PRKAR2A: variants seen among roughly 807,000 people sequenced by gnomAD.
PRKAR2A encodes cAMP-dependent protein kinase type II-alpha regulatory subunit.
Under a neutral mutation model 51.9 loss-of-function variants are expected in PRKAR2A, and 29 were observed. The observed-to-expected ratio is 0.56, with a 90% CI of 0.42 to 0.76. The LOEUF is 0.76. Among genes scored for constraint, PRKAR2A ranks in the 30% least tolerant of loss-of-function variants. The pLI is 0.00. For synonymous variants in PRKAR2A, 178 were observed against 186.2 expected (o/e 0.96, Z 0.36); for missense variants, 445 against 512.1 (o/e 0.87, Z 1.26).
intron 5 of PRKAR2A, among the ~76,000 whole-genome samples, chr3:48,775,684 T>C (rs967609352): frequency 6.6e-6 from 1 of 152,068 alleles, no homozygotes; most frequent in Non-Finnish European, 1.5e-5. Context: ...TCAAAGATAC[T>C]GCAAAAGATT....
chr3:48,789,319 T>C (rs1342029456), intron 4 of PRKAR2A, among the ~76,000 whole-genome samples: 2 of 152,084 alleles, frequency 1.3e-5, no homozygotes, highest in African/African-American at 2.4e-5. Flanking sequence ...CTGATGTCAA[T>C]TGGAACACAT....
intron 1 of PRKAR2A, among the ~76,000 whole-genome samples, chr3:48,816,725 T>C (rs537142407): frequency 1.8e-3 from 267 of 152,288 alleles, no homozygotes; most frequent in Middle Eastern, 0.01. Flanking sequence ...CAGTACAGTA[T>C]GGAATCAAAG....
chr3:48,766,459 G>T (rs1265895884), intron 6 of PRKAR2A, among the ~76,000 whole-genome samples: 1 of 151,922 alleles, frequency 6.6e-6, no homozygotes, highest in Non-Finnish European at 1.5e-5. Flanking sequence ...CCAGCTAGTT[G>T]GGAGGCTGAG....
intron 1 of PRKAR2A, among the ~76,000 whole-genome samples, chr3:48,846,579 T>C (rs1042888079): frequency 6.6e-6 from 1 of 152,178 alleles, no homozygotes; most frequent in Non-Finnish European, 1.5e-5. Context: ...CTCGAACTCT[T>C]GGATTCAAGC....
At chr3:48,784,627 T>A (rs927496158) in intron 4 of PRKAR2A, among the ~76,000 whole-genome samples, 2 of 152,174 alleles carry the variant, frequency 1.3e-5, no homozygotes, top group African/African-American at 2.4e-5. Flanking sequence ...TTCAAACACA[T>A]GTGTCATGAG....
chr3:48,806,421 T>A (rs996472006), intron 2 of PRKAR2A, among the ~76,000 whole-genome samples: 1 of 151,928 alleles, frequency 6.6e-6, no homozygotes, highest in Admixed American at 6.6e-5. Context: ...AAAACTTTCA[T>A]AAAATATATT....
chr3:48,745,429 T>C (rs1039447090), downstream of PRKAR2A, among the ~76,000 whole-genome samples: 47 of 152,134 alleles, frequency 3.1e-4, no homozygotes, highest in African/African-American at 1.1e-3. Context: ...CATGTTGTGA[T>C]TGCTAATTTT....
At chr3:48,760,100 T>A (rs1306999588) in intron 8 of PRKAR2A, among the ~76,000 whole-genome samples, 1 of 152,204 alleles carries the variant, frequency 6.6e-6, no homozygotes, top group East Asian at 1.9e-4. Flanking sequence ...GCTCACGCCA[T>A]CCCAGTACTT....
At chr3:48,818,770 C>T (rs1468604577) in intron 1 of PRKAR2A, among the ~76,000 whole-genome samples, 1 of 152,078 alleles carries the variant, frequency 6.6e-6, no homozygotes, top group African/African-American at 2.4e-5. Context: ...ACTTAAACTT[C>T]TCTGAGCCTC....
chr3:48,787,176 ATTTAT>A (rs1290020978), intron 4 of PRKAR2A, among the ~76,000 whole-genome samples: 1 of 151,414 alleles, frequency 6.6e-6, no homozygotes, highest in Non-Finnish European at 1.5e-5. Flanking sequence ...TTATTTATTT[ATTTAT>A]TTATTTATGT....
rs1021914228 is a variant in PRKAR2A at position 48,847,815 on chromosome 3, C to A, written c.-219G>T. On this transcript the variant is annotated 5_prime_UTR_variant, in exon 1 of 11. Transcript: ENST00000265563. This position sits in a 1 kb window ranked among gnomAD's most constrained non-coding sequence, Gnocchi z 4.4. Reference sequence around the variant, plus strand: ...GCCGCCGCTGTCACTGGGCAGCCGCCGCCGCCGCGGGGACCGACGGGCAGG... The same window carrying A: ...GCCGCCGCTGTCACTGGGCAGCCGCAGCCGCCGCGGGGACCGACGGGCAGG... The A allele has an allele frequency of 3.1e-5, 13 of 418,106 alleles. No homozygotes were observed. The highest frequency in any genetic ancestry group is 2.8e-4 in the Admixed American group (6 of 21,548). 25.9% of individuals were successfully genotyped at this position (418,106 alleles called of 1,614,324 possible).
chr3:48,809,397 C>G (rs2082733340), intron 1 of PRKAR2A, among the ~76,000 whole-genome samples: 1 of 151,592 alleles, frequency 6.6e-6, no homozygotes, highest in South Asian at 2.1e-4. Flanking sequence ...TCGAGACTAG[C>G]CTGGCAAACA....
intron 1 of PRKAR2A, among the ~76,000 whole-genome samples, chr3:48,829,431 A>C (rs1229753324): frequency 6.6e-6 from 1 of 151,216 alleles, no homozygotes; most frequent in African/African-American, 2.4e-5. Context: ...AGGCAGGAGA[A>C]CAGCTTGAAC....
intron 1 of PRKAR2A, among the ~76,000 whole-genome samples, chr3:48,833,504 T>C (rs1427329140): frequency 5.8e-4 from 82 of 140,680 alleles, no homozygotes; most frequent in Middle Eastern, 4.8e-3. Flanking sequence ...GGTCAGGAGT[T>C]CAAGACCAGC....
intron 6 of PRKAR2A, among the ~76,000 whole-genome samples, chr3:48,769,771 C>G (rs1400557798): frequency 6.6e-6 from 1 of 151,922 alleles, no homozygotes. Context: ...CCACTACGCC[C>G]GGCAAGCGAC....
At position 48,766,302 on chromosome 3, in the gene PRKAR2A, T is replaced by C. The variant is rs567724983; in HGVS notation, c.697-953A>G. The stretch of plus-strand genomic sequence containing the variant: ...ACATTTCAAGGACAGGTGCAGTGGC[T>C]CACACCTGTAATCCCAGCATTCTGG... On this transcript the variant is annotated intron_variant, in intron 6 of 10. Coordinates refer to ENST00000265563, the MANE Select transcript of PRKAR2A (RefSeq NM_004157.4). Among the ~76,000 whole-genome samples the C allele has an allele frequency of 1.5e-3, 233 of 152,164 alleles. 1 individual carries two copies. The highest frequency in any genetic ancestry group is 5.3e-3 in the African/African-American group (221 of 41,518).
At chr3:48,815,516 G>T (rs1006295674) in intron 1 of PRKAR2A, among the ~76,000 whole-genome samples, 2 of 151,350 alleles carry the variant, frequency 1.3e-5, no homozygotes, top group African/African-American at 4.8e-5. Flanking sequence ...CTAACAGGGT[G>T]AAACCCCGTC....
At chr3:48,795,903 C>G (rs78256302) in intron 2 of PRKAR2A, among the ~76,000 whole-genome samples, 166 of 152,192 alleles carry the variant, frequency 1.1e-3, no homozygotes, top group Non-Finnish European at 2.0e-3. Context: ...ATTTTTTTTA[C>G]TGGTGAGAAG....
At chr3:48,833,970 G>C (rs1309162243) in intron 1 of PRKAR2A, among the ~76,000 whole-genome samples, 2 of 150,868 alleles carry the variant, frequency 1.3e-5, no homozygotes, top group Non-Finnish European at 3.0e-5. Context: ...CCGGGAGACA[G>C]GTTGTAGTGA....
Sources: gnomAD v4.1 joint callset for allele counts (sites outside exome capture counted in the v4.1 genomes callset) on GRCh38, gnomAD v4.1.1 for gene constraint, Gnocchi (gnomAD v3.1) non-coding constraint, MANE v1.5 for transcripts, NCBI Gene and HGNC (gene_info 2026-07-23, HGNC 2026-07-21) for gene names.